The following CENPO variants were observed in gnomAD, a reference collection of about 807,000 sequenced individuals.
The protein encoded by CENPO is centromeric protein O.
In CENPO, 30 loss-of-function variants were observed where a neutral mutation model predicts 36.1. The observed-to-expected ratio is 0.83, with a 90% CI of 0.62 to 1.13. The LOEUF is 1.13. CENPO is among the 50% of genes most tolerant of loss of function. CENPO has a pLI of 0.00. For synonymous variants in CENPO, 171 were observed against 142.3 expected (o/e 1.20, Z -1.44); for missense variants, 349 against 357.8 (o/e 0.98, Z 0.20).
At chr2:24,819,156 TTTCCACA>T (rs1275508556) in intron 7 of CENPO, 191 bp from the exon 8 acceptor site, 1 of 152,632 alleles carries the variant, frequency 6.6e-6, no homozygotes, top group African/African-American at 2.4e-5. Context: ...ATTAACAGAA[TTTCCACA>T]ATCACTTTCA....
At chr2:24,800,329 T>A (rs573437245) in intron 3 of CENPO, among the ~76,000 whole-genome samples, 110 of 152,358 alleles carry the variant, frequency 7.2e-4, no homozygotes, top group African/African-American at 2.0e-3. Flanking sequence ...TAACATTTTT[T>A]AATTTTTTTA....
At chr2:24,808,628 CTTATT>C (rs979852807) in intron 3 of CENPO, among the ~76,000 whole-genome samples, 1 of 152,098 alleles carries the variant, frequency 6.6e-6, no homozygotes, top group Non-Finnish European at 1.5e-5. Context: ...TGTTTTCTCC[CTTATT>C]TTATTAATTT....
Position 24,822,308 on chromosome 2 carries a change from GGGGGT to G in CENPO, c.*2991_*2995del. ...TCTTAGGCCTGAGCTGTGAACAGCAGGGGGTTGTGTGTCTGTTCTGTTTCTCTGCT... is the reference window on the plus strand; with the variant it reads ...TCTTAGGCCTGAGCTGTGAACAGCAGTGTGTGTCTGTTCTGTTTCTCTGCT... On this transcript the variant is annotated 3_prime_UTR_variant, in exon 8 of 8. Coordinates refer to ENST00000380834, the MANE Select transcript of CENPO (RefSeq NM_001322101.2). 3.0e-6 allele frequency: 2 copies of G among 661,848 alleles called. No individual in the cohort carries two copies. The highest frequency in any genetic ancestry group is 4.9e-6 in the Non-Finnish European group (2 of 404,832). 41.0% of individuals were successfully genotyped at this position (661,848 alleles called of 1,614,324 possible).
intron 3 of CENPO, among the ~76,000 whole-genome samples, chr2:24,804,691 G>A (rs1172030148): frequency 6.6e-6 from 1 of 152,332 alleles, no homozygotes; most frequent in South Asian, 2.1e-4. Context: ...TGTGCCGAGA[G>A]ATCAGCTGTT....
intron 3 of CENPO, among the ~76,000 whole-genome samples, chr2:24,806,611 A>G (rs1156263505): frequency 6.6e-6 from 1 of 152,232 alleles, no homozygotes; most frequent in African/African-American, 2.4e-5. Context: ...TTGCTGAGTC[A>G]TAGGATATGC....
At position 24,815,532 on chromosome 2, in the gene CENPO, G is replaced by T; in HGVS notation, c.370G>T (p.Val124Phe). The T allele has an allele frequency of 1.9e-6, 3 of 1,614,022 alleles. No homozygotes were observed. The highest frequency in any genetic ancestry group is 2.5e-6 in the Non-Finnish European group (3 of 1,179,862). The change falls in exon 5 of 8, where the codon GTC becomes TTC. Residue 124 changes from valine to phenylalanine, a missense_variant. Transcript: ENST00000380834. ...TAAACTGACCAGCCGAGGAGTTTGTGTCTGCATCAGTACTGCTTTTGAGGG... is the reference window on the plus strand; with the variant it reads ...TAAACTGACCAGCCGAGGAGTTTGTTTCTGCATCAGTACTGCTTTTGAGGG... ...SGKLTSRGVCVCISTAFEGNL... is the reference protein window; with the variant it reads ...SGKLTSRGVCFCISTAFEGNL...
chr2:24,799,585 AAG>A (rs1461115463), intron 2 of CENPO, 88 bp from the exon 3 acceptor site: 2 of 1,013,438 alleles, frequency 2.0e-6, no homozygotes, highest in African/African-American at 1.6e-5. Flanking sequence ...AAAAAAAAAA[AAG>A]AGTCACCTGT....
rs1379557137 is a variant in CENPO, at chr2:24,819,531, G to T, written c.*213G>T. 1.3e-5 allele frequency: 2 copies of T among 159,668 alleles called. No homozygotes were observed. The highest frequency in any genetic ancestry group is 2.4e-5 in the African/African-American group (1 of 41,632). 9.9% of individuals were successfully genotyped at this position (159,668 alleles called of 1,614,324 possible). ...CCCTTCAAAATGGGAGCCATGTCCTGCCCCACCAAGCCCTGTCTGAAGTGG... is the reference window on the plus strand; with the variant it reads ...CCCTTCAAAATGGGAGCCATGTCCTTCCCCACCAAGCCCTGTCTGAAGTGG... On this transcript the variant is annotated 3_prime_UTR_variant, in exon 8 of 8. Coordinates refer to ENST00000380834, the MANE Select transcript of CENPO (RefSeq NM_001322101.2).
chr2:24,805,400 T>C (rs886621129), intron 3 of CENPO, among the ~76,000 whole-genome samples: 4 of 152,230 alleles, frequency 2.6e-5, no homozygotes, highest in Non-Finnish European at 5.9e-5. Flanking sequence ...GGAGAGGCGC[T>C]CTGATTTTTA....
chr2:24,805,696 A>G (rs1456947308), intron 3 of CENPO, among the ~76,000 whole-genome samples: 3 of 152,188 alleles, frequency 2.0e-5, no homozygotes, highest in Non-Finnish European at 4.4e-5. Context: ...GTTTTGTCTC[A>G]GAGGAGTACC....
chr2:24,821,865 ACGGACCTGTGAGTCTGACCACGAGG>A lies in CENPO; in HGVS notation c.*2554_*2578del. ...AAGACTGGGCAATTGAGCAGAGGAG[ACGGACCTGTGAGTCTGACCACGAGG>A]CGGACCCCTTCACCTTGGCTGGGCC... On this transcript the variant is annotated 3_prime_UTR_variant, in exon 8 of 8. Transcript: ENST00000380834. 3.6e-6 allele frequency: 2 copies of A among 550,454 alleles called. No individual in the cohort carries two copies. Among genetic ancestry groups the A allele is most frequent in the South Asian group, 2.5e-5 (1 of 40,066 alleles). 34.1% of individuals were successfully genotyped at this position (550,454 alleles called of 1,614,324 possible). A position where few individuals can be genotyped will look rare whatever the true frequency, so the allele number is the denominator to read the frequency against.
chr2:24,803,307 GT>G (rs1381765627), intron 3 of CENPO, among the ~76,000 whole-genome samples: 4 of 151,708 alleles, frequency 2.6e-5, no homozygotes, highest in African/African-American at 9.7e-5. Flanking sequence ...TTTTTGAAGG[GT>G]TTTTTGTGTC....
At chr2:24,795,067 T>C (rs1174042121) in intron 2 of CENPO, among the ~76,000 whole-genome samples, 8 of 152,192 alleles carry the variant, frequency 5.3e-5, no homozygotes, top group Non-Finnish European at 1.0e-4. Flanking sequence ...AGACTAAAAA[T>C]AAGTTTGGTG....
rs775125179 is a variant in CENPO, at chr2:24,820,811, T to C, written c.*1493T>C. 1.2e-6 allele frequency: 2 copies of C among 1,614,050 alleles called. No individual in the cohort carries two copies. The highest frequency in any genetic ancestry group is 1.7e-6 in the Non-Finnish European group (2 of 1,179,990). On this transcript the variant is annotated 3_prime_UTR_variant, in exon 8 of 8. Coordinates refer to ENST00000380834, the MANE Select transcript of CENPO (RefSeq NM_001322101.2). ...AGATGTCGTAGTGTGGTTTCCGGGC[T>C]CCGATGACCCCAGCCAGAACCCCGC...
At chr2:24,806,126 C>T (rs575772506) in intron 3 of CENPO, among the ~76,000 whole-genome samples, 1 of 152,316 alleles carries the variant, frequency 6.6e-6, no homozygotes, top group South Asian at 2.1e-4. Context: ...CTGAGCCAGG[C>T]GCGGGATATA....
intron 4 of CENPO, 21 bp downstream of exon 4, chr2:24,814,514 C>G: frequency 8.9e-7 from 1 of 1,127,942 alleles, no homozygotes; most frequent in Non-Finnish European, 1.4e-6. Context: ...TTTTTTTAAC[C>G]TAATTTAGTC....
chr2:24,797,432 T>A (rs962013088), intron 2 of CENPO, among the ~76,000 whole-genome samples: 34 of 152,156 alleles, frequency 2.2e-4, no homozygotes, highest in Admixed American at 1.5e-3. Flanking sequence ...TAGAGATACA[T>A]ATTTGTGTGG....
rs1667898757 is a variant in CENPO at position 24,822,355 on chromosome 2, T to C, written c.*3037T>C. On this transcript the variant is annotated 3_prime_UTR_variant, in exon 8 of 8. Coordinates refer to ENST00000380834, the MANE Select transcript of CENPO (RefSeq NM_001322101.2). ...TTCTCTGCTTGCCGAACTTTCTCAA[T>C]AAACCCTATTTCTTATTTATATTTA... 1 of 1,106,040 alleles carries C rather than the reference T, an allele frequency of 9.0e-7. No individual in the cohort carries two copies. Among genetic ancestry groups the C allele is most frequent in the East Asian group, 2.5e-5 (1 of 40,570 alleles). The allele number at this position is 1,106,040 out of a possible 1,614,324, so 68.5% of individuals were successfully genotyped here.
At chr2:24,818,241 A>C (rs148379340) in intron 7 of CENPO, among the ~76,000 whole-genome samples, 3 of 152,140 alleles carry the variant, frequency 2.0e-5, no homozygotes, top group Admixed American at 2.0e-4. Context: ...AAAATCCTAA[A>C]ATTTTCAGAA....
Sources: gnomAD v4.1 joint callset for allele counts (sites outside exome capture counted in the v4.1 genomes callset) on GRCh38, gnomAD v4.1.1 for gene constraint, MANE v1.5 for transcripts, NCBI Gene and HGNC (gene_info 2026-07-23, HGNC 2026-07-21) for gene names.